TMEM232: variants seen among roughly 807,000 people sequenced by gnomAD.
The protein encoded by TMEM232 is transmembrane protein 232.
A neutral mutation model predicts 78.8 loss-of-function variants in TMEM232; 80 were observed. That is an observed-to-expected ratio of 1.01 (90% CI 0.85 to 1.22). The LOEUF is 1.22. Among genes scored for constraint, TMEM232 ranks in the 50% most tolerant of loss-of-function variants. TMEM232 has a pLI of 0.00. For synonymous variants in TMEM232, 297 were observed against 254.3 expected (o/e 1.17, Z -1.60); for missense variants, 881 against 742.2 (o/e 1.19, Z -2.17).
At position 110,391,110 on chromosome 5, in the gene TMEM232, C is replaced by T. The variant is rs187852249; in HGVS notation, n.391-470G>A. ...ACTAGCTGCTTGCTTTATTTTATTC[C>T]CTCTGTTTGGCAATAAACTATCATG... On this transcript the variant is annotated intron_variant and non_coding_transcript_variant, in intron 3 of 8. Coordinates refer to the TMEM232 transcript ENST00000507188. 3.3e-4 allele frequency among the ~76,000 whole-genome samples: 50 copies of T among 152,136 alleles called. 1 individual carries two copies. In the East Asian group the frequency reaches 9.3e-3, roughly 28 times the overall value.
intron 10 of TMEM232, among the ~76,000 whole-genome samples, chr5:110,602,853 G>A (rs1781110284): frequency 6.6e-6 from 1 of 152,124 alleles, no homozygotes; most frequent in African/African-American, 2.4e-5. Flanking sequence ...TATGTTTATT[G>A]CAGCACTATT....
intron 2 of TMEM232, among the ~76,000 whole-genome samples, chr5:110,404,055 C>T (rs1468694669): frequency 3.3e-5 from 5 of 151,942 alleles, no homozygotes; most frequent in African/African-American, 1.2e-4. Context: ...TCTCTTCACT[C>T]CTCTTTAATA....
intron 12 of TMEM232, among the ~76,000 whole-genome samples, chr5:110,482,594 T>C (rs1443267032): frequency 8.4e-6 from 1 of 119,034 alleles, no homozygotes; most frequent in African/African-American, 5.5e-5. Flanking sequence ...AAAAAATTTA[T>C]ATATATATAT....
chr5:110,719,786 CT>C (rs758743921), intron 1 of TMEM232, among the ~76,000 whole-genome samples: 1 of 152,068 alleles, frequency 6.6e-6, no homozygotes, highest in Non-Finnish European at 1.5e-5. Flanking sequence ...GCAAGGCTCT[CT>C]TTGTCTTTTT....
chr5:110,527,971 A>G (rs192184096), intron 12 of TMEM232, among the ~76,000 whole-genome samples: 87 of 152,076 alleles, frequency 5.7e-4, no homozygotes, highest in African/African-American at 2.0e-3. Context: ...CTATTTTTAA[A>G]ATCTGTCTAA....
At chr5:110,650,572 G>T (rs1304537611) in intron 2 of TMEM232, among the ~76,000 whole-genome samples, 5 of 152,094 alleles carry the variant, frequency 3.3e-5, no homozygotes, top group Admixed American at 3.3e-4. Flanking sequence ...ACAGAAACTG[G>T]TAAACCCAGT....
chr5:110,626,594 T>C (rs1784455376), intron 6 of TMEM232, among the ~76,000 whole-genome samples: 1 of 152,082 alleles, frequency 6.6e-6, no homozygotes, highest in Non-Finnish European at 1.5e-5. Context: ...TCCATCTAAA[T>C]AAACTATTGA....
At chr5:110,505,043 C>T (rs1463831738) in intron 12 of TMEM232, among the ~76,000 whole-genome samples, 1 of 152,136 alleles carries the variant, frequency 6.6e-6, no homozygotes, top group Non-Finnish European at 1.5e-5. Context: ...CGCTTTTAAC[C>T]ATTAGAGTGT....
intron 12 of TMEM232, among the ~76,000 whole-genome samples, chr5:110,466,919 G>GC (rs1762141519): frequency 6.7e-6 from 1 of 149,924 alleles, no homozygotes; most frequent in African/African-American, 2.5e-5. Flanking sequence ...TGTGTGTGTG[G>GC]TGTATGCTGG....
chr5:110,621,814 T>C lies in TMEM232; in HGVS notation c.769-3252A>G, dbSNP rs74741474. On this transcript the variant is annotated intron_variant, in intron 7 of 13. Transcript: ENST00000455884. The stretch of plus-strand genomic sequence containing the variant: ...GTCTCCCTCCCTTGCTGTCCAGCTT[T>C]GGGCTATCATTTGTAGCTGGAACAA... 8.4e-3 allele frequency among the ~76,000 whole-genome samples: 1,273 copies of C among 152,274 alleles called. 14 individuals are homozygous for C. The highest frequency in any genetic ancestry group is 0.029 in the African/African-American group (1,202 of 41,570).
intron 12 of TMEM232, among the ~76,000 whole-genome samples, chr5:110,471,507 GA>G (rs1046113995): frequency 7.9e-5 from 12 of 151,296 alleles, no homozygotes; most frequent in Non-Finnish European, 1.5e-5. Context: ...AAGACAGCAA[GA>G]AAAAAGCAGA....
intron 2 of TMEM232, among the ~76,000 whole-genome samples, chr5:110,643,464 T>C (rs541882119): frequency 3.3e-5 from 5 of 152,052 alleles, no homozygotes; most frequent in Admixed American, 6.6e-5. Flanking sequence ...CAAAGAAAAG[T>C]AGGACAAATA....
intron 12 of TMEM232, among the ~76,000 whole-genome samples, chr5:110,475,342 A>G (rs934397112): frequency 2.0e-5 from 3 of 151,804 alleles, no homozygotes; most frequent in African/African-American, 4.8e-5. Flanking sequence ...TTTGATGCCT[A>G]TGGAACACCA....
At chr5:110,696,641 C>A (rs990834795) in intron 1 of TMEM232, among the ~76,000 whole-genome samples, 28 of 152,174 alleles carry the variant, frequency 1.8e-4, no homozygotes, top group Admixed American at 4.6e-4. Flanking sequence ...AAATCACAAG[C>A]ATTCTTATAC....
At chr5:110,455,248 C>A (rs1285040004) in intron 12 of TMEM232, among the ~76,000 whole-genome samples, 4 of 152,098 alleles carry the variant, frequency 2.6e-5, no homozygotes, top group African/African-American at 9.7e-5. Context: ...GCCAATTTTA[C>A]AAAATCTCCA....
At chr5:110,507,919 T>C (rs1453103911) in intron 12 of TMEM232, among the ~76,000 whole-genome samples, 1 of 152,188 alleles carries the variant, frequency 6.6e-6, no homozygotes, top group Non-Finnish European at 1.5e-5. Flanking sequence ...TTACTATATG[T>C]GACTTTTTTT....
chr5:110,407,598 C>T (rs1432194298), intron 2 of TMEM232, among the ~76,000 whole-genome samples: 1 of 152,132 alleles, frequency 6.6e-6, no homozygotes, highest in Non-Finnish European at 1.5e-5. Flanking sequence ...TTTAACAGCC[C>T]ACTCTTAGTT....
chr5:110,736,879 G>C (rs1365927406), intron 1 of TMEM232, among the ~76,000 whole-genome samples: 1 of 151,654 alleles, frequency 6.6e-6, no homozygotes, highest in Non-Finnish European at 1.5e-5. Flanking sequence ...TTTGCTATCG[G>C]GGCGTTTCTC....
intron 11 of TMEM232, among the ~76,000 whole-genome samples, chr5:110,553,362 G>C (rs1774693279): frequency 6.6e-6 from 1 of 152,112 alleles, no homozygotes; most frequent in African/African-American, 2.4e-5. Context: ...GTATCCATGA[G>C]TGTGAAATGC....
Sources: gnomAD v4.1 joint callset for allele counts (sites outside exome capture counted in the v4.1 genomes callset) on GRCh38, gnomAD v4.1.1 for gene constraint, MANE v1.5 for transcripts, NCBI Gene and HGNC (gene_info 2026-07-23, HGNC 2026-07-21) for gene names.